KDM4C: variants seen among roughly 807,000 people sequenced by gnomAD.
KDM4C encodes the protein lysine-specific demethylase 4C.
KDM4C carries 81 observed loss-of-function variants against 129.3 expected under a neutral mutation model. The observed-to-expected ratio is 0.63, with a 90% CI of 0.52 to 0.75. The LOEUF (loss-of-function observed/expected upper bound fraction) is 0.75, where lower values mean the gene tolerates loss of function less well. KDM4C is among the 30% of genes least tolerant of loss of function. The pLI is 0.00. For synonymous variants in KDM4C, 573 were observed against 456.1 expected (o/e 1.26, Z -3.26); for missense variants, 1,457 against 1,304.0 (o/e 1.12, Z -1.81).
rs762598768 is a variant in KDM4C at position 6,984,149 on chromosome 9, G to A, written c.1116-17G>A. On this transcript the variant is annotated splice_polypyrimidine_tract_variant and intron_variant, in intron 9 of 21. Transcript: ENST00000381309. ...TTGCAGACATCCCGCTCTGACCACT[G>A]CTTCTCTTGTTGACAGCTTCCAGTG... 12 of 1,557,222 alleles carry A rather than the reference G, an allele frequency of 7.7e-6. No homozygotes were observed. The highest frequency in any genetic ancestry group is 9.7e-6 in the Non-Finnish European group (11 of 1,129,064).
chr9:7,118,778 T>C (rs1839189071), intron 18 of KDM4C, among the ~76,000 whole-genome samples: 2 of 152,196 alleles, frequency 1.3e-5, no homozygotes, highest in Non-Finnish European at 2.9e-5. Flanking sequence ...TTACGCCCTT[T>C]ATTAACATCA....
chr9:6,981,679 CA>C (rs1005856641), intron 9 of KDM4C, among the ~76,000 whole-genome samples: 2 of 152,066 alleles, frequency 1.3e-5, no homozygotes, highest in African/African-American at 4.8e-5. Flanking sequence ...AGGATCATTT[CA>C]AAAGCTTTTA....
At chr9:6,982,967 A>G (rs943758169) in intron 9 of KDM4C, among the ~76,000 whole-genome samples, 5 of 152,170 alleles carry the variant, frequency 3.3e-5, no homozygotes, top group African/African-American at 1.2e-4. Flanking sequence ...GAAATAGCCC[A>G]TTTAGGGAAG....
intron 8 of KDM4C, among the ~76,000 whole-genome samples, chr9:6,918,588 A>G (rs1589100935): frequency 1.3e-5 from 2 of 152,270 alleles, no homozygotes; most frequent in South Asian, 2.1e-4. Flanking sequence ...TCTTAGAGAA[A>G]TCTCCAAACA....
intron 1 of KDM4C, among the ~76,000 whole-genome samples, chr9:6,780,000 G>A (rs1346174168): frequency 6.6e-6 from 1 of 152,132 alleles, no homozygotes; most frequent in Admixed American, 6.6e-5. Flanking sequence ...GCCACCTACA[G>A]CTACTTAATC....
intron 19 of KDM4C, among the ~76,000 whole-genome samples, chr9:7,146,651 A>T (rs1367244723): frequency 6.6e-6 from 1 of 152,088 alleles, no homozygotes; most frequent in Non-Finnish European, 1.5e-5. Flanking sequence ...TTAACTCACT[A>T]CTCATTCCTT....
chr9:6,856,862 A>T (rs982110003), intron 5 of KDM4C, among the ~76,000 whole-genome samples: 2 of 144,374 alleles, frequency 1.4e-5, no homozygotes, highest in Non-Finnish European at 3.0e-5. Flanking sequence ...GGTTCACGCC[A>T]TTCTCCTGCC....
intron 17 of KDM4C, among the ~76,000 whole-genome samples, chr9:7,074,339 T>C (rs1380409083): frequency 2.0e-5 from 3 of 152,096 alleles, no homozygotes; most frequent in Non-Finnish European, 4.4e-5. Context: ...AATTTTTTTG[T>C]ATATTTTAGT....
At chr9:7,167,446 C>A (rs1044910291) in intron 20 of KDM4C, among the ~76,000 whole-genome samples, 5 of 152,134 alleles carry the variant, frequency 3.3e-5, no homozygotes, top group Non-Finnish European at 7.3e-5. Context: ...TGAAAGTAGG[C>A]ACAGGTGGTT....
intron 12 of KDM4C, among the ~76,000 whole-genome samples, chr9:7,001,427 T>G (rs138284405): frequency 0.011 from 1,729 of 152,340 alleles, 37 homozygotes; most frequent in African/African-American, 0.04. Flanking sequence ...GGGTTAAGAA[T>G]CTTCTTGGGG....
At chr9:7,046,691 T>G (rs1284238360) in intron 15 of KDM4C, among the ~76,000 whole-genome samples, 171 bp from the exon 16 acceptor site, 1 of 151,924 alleles carries the variant, frequency 6.6e-6, no homozygotes, top group African/African-American at 2.4e-5. Context: ...CTCTACCATT[T>G]CCCCCTCCGC....
chr9:7,125,655 A>G (rs887841391), intron 18 of KDM4C, among the ~76,000 whole-genome samples: 1 of 152,236 alleles, frequency 6.6e-6, no homozygotes, highest in Admixed American at 6.5e-5. Flanking sequence ...TTGACTAGTG[A>G]TTCTGGATGA....
chr9:6,830,743 T>A (rs1040197671), intron 4 of KDM4C, among the ~76,000 whole-genome samples: 5 of 152,222 alleles, frequency 3.3e-5, no homozygotes, highest in African/African-American at 1.2e-4. Flanking sequence ...ATGAGGCCAC[T>A]GGAAGTACCT....
At chr9:6,948,290 G>A (rs1341899660) in intron 8 of KDM4C, 1 of 152,050 alleles carries the variant, frequency 6.6e-6, no homozygotes, top group Non-Finnish European at 1.5e-5. Flanking sequence ...CCATTCCTTT[G>A]GTGGCATTTG....
In KDM4C at chr9:6,972,940, A is replaced by G. The variant is rs1235162858; in HGVS notation, c.922-7985A>G. Among the ~76,000 whole-genome samples, 3 of 152,168 alleles carry G rather than the reference A, an allele frequency of 2.0e-5. No individual in the cohort carries two copies. In the East Asian group the frequency reaches 5.8e-4, roughly 29 times the overall value. On this transcript the variant is annotated intron_variant, in intron 8 of 21. Coordinates refer to ENST00000381309, the MANE Select transcript of KDM4C (RefSeq NM_015061.6). ...GCTTTTTTTCTGATTCGAGTTTAAT[A>G]CATCTGTCTTTTGTCCACTTTAAAT...
At chr9:6,763,551 G>A (rs1356974024) in intron 1 of KDM4C, among the ~76,000 whole-genome samples, 1 of 152,272 alleles carries the variant, frequency 6.6e-6, no homozygotes, top group South Asian at 2.1e-4. Context: ...ACAGTAGTTA[G>A]TAACTTCTGG....
chr9:7,150,197 G>A (rs2130097630), intron 19 of KDM4C, among the ~76,000 whole-genome samples: 1 of 152,304 alleles, frequency 6.6e-6, no homozygotes, highest in South Asian at 2.1e-4. Context: ...CGCAGGAGCC[G>A]CCCTCTGGCT....
At chr9:6,889,202 G>C (rs1016302017) in intron 7 of KDM4C, among the ~76,000 whole-genome samples, 2 of 106,946 alleles carry the variant, frequency 1.9e-5, no homozygotes, top group African/African-American at 7.8e-5. Flanking sequence ...TCTTACTGTG[G>C]CCTTCTTTTT....
intron 15 of KDM4C, among the ~76,000 whole-genome samples, chr9:7,020,398 A>G (rs1050625682): frequency 2.0e-5 from 3 of 152,332 alleles, no homozygotes; most frequent in African/African-American, 4.8e-5. Context: ...AGGCACAACT[A>G]TCTGACAGCT....
Sources: allele counts gnomAD v4.1 joint callset (sites outside exome capture counted in the v4.1 genomes callset), GRCh38; gene constraint gnomAD v4.1.1; transcripts MANE v1.5; gene names NCBI Gene and HGNC (gene_info 2026-07-23, HGNC 2026-07-21).